Variants in PCDHA2 observed in about 807,000 individuals in gnomAD.
PCDHA2 encodes the protein protocadherin alpha 2.
In PCDHA2, 58 loss-of-function variants were observed where a neutral mutation model predicts 66.0. The ratio of observed to expected loss-of-function variants is 0.88; its 90% confidence interval spans 0.71 to 1.09. The LOEUF (loss-of-function observed/expected upper bound fraction) is 1.09, where lower values mean the gene tolerates loss of function less well. Ranked by LOEUF, PCDHA2 falls within the 50% of genes least tolerant of loss-of-function variation. The probability of loss-of-function intolerance (pLI) is 0.00; values close to 1 mark genes in which losing one functional copy is unlikely to be tolerated. For synonymous variants in PCDHA2, 634 were observed against 554.0 expected, an observed-to-expected ratio of 1.14 and a Z score of -2.03; for missense variants, 1,267 against 1,242.3, an observed-to-expected ratio of 1.02 and a Z score of -0.30.
At chr5:140,950,580 C>T (rs2094499075) in intron 1 of PCDHA2, among the ~76,000 whole-genome samples, 1 of 151,958 alleles carries the variant, frequency 6.6e-6, no homozygotes, top group South Asian at 2.1e-4. Context: ...TTTCTACTTA[C>T]CTTTGGTTTA....
At chr5:140,978,799 A>C (rs2096824173) in intron 1 of PCDHA2, 150 bp from the exon 2 acceptor site, 2 of 1,479,066 alleles carry the variant, frequency 1.4e-6, no homozygotes, top group East Asian at 4.9e-5. Flanking sequence ...ATATATGTAG[A>C]TATCATCATA....
intron 1 of PCDHA2, chr5:140,883,099 A>C: frequency 6.2e-7 from 1 of 1,614,150 alleles, no homozygotes. Flanking sequence ...ATGGAGATAT[A>C]GTTTACTCAT....
chr5:140,856,960 T>C, intron 1 of PCDHA2: 2 of 1,593,258 alleles, frequency 1.3e-6, no homozygotes, highest in Non-Finnish European at 8.6e-7. Flanking sequence ...TAAAAGTAAA[T>C]GATGCTATTG....
At chr5:140,966,973 G>T in intron 1 of PCDHA2, 1 of 1,603,054 alleles carries the variant, frequency 6.2e-7, no homozygotes. Flanking sequence ...GGCTTGAGCT[G>T]CGGCGCTTGG....
chr5:141,005,626 C>T (rs554956978), intron 3 of PCDHA2, among the ~76,000 whole-genome samples: 5 of 136,646 alleles, frequency 3.7e-5, no homozygotes, highest in South Asian at 4.9e-4. Context: ...GGCGTGAACC[C>T]GGGAGGCGGA....
At chr5:140,977,591 A>T (rs1267599253) in intron 1 of PCDHA2, among the ~76,000 whole-genome samples, 2 of 152,164 alleles carry the variant, frequency 1.3e-5, no homozygotes, top group African/African-American at 4.8e-5. Context: ...AGCAGTTAGC[A>T]TGTGAGGACC....
chr5:140,896,485 C>G (rs1259028670), intron 1 of PCDHA2, among the ~76,000 whole-genome samples: 1 of 152,032 alleles, frequency 6.6e-6, no homozygotes, highest in Non-Finnish European at 1.5e-5. Context: ...GCCTCAGCCT[C>G]CTGAGTAGCT....
chr5:140,869,247 C>A (rs1186478553), intron 1 of PCDHA2: 2 of 1,613,526 alleles, frequency 1.2e-6, no homozygotes, highest in Admixed American at 3.3e-5. Context: ...TGGGCCGCAT[C>A]GCGCAGGACC....
At chr5:140,829,450 G>T (rs2150168198) in intron 1 of PCDHA2, 1 of 1,613,936 alleles carries the variant, frequency 6.2e-7, no homozygotes, top group Non-Finnish European at 8.5e-7. Context: ...ACAATGCTCC[G>T]GCGTTCGCGC....
rs139167552 is a variant in PCDHA2, at chr5:140,939,382, C to T, written c.2389-39567C>T. On this transcript the variant is annotated intron_variant, in intron 1 of 3. Coordinates refer to ENST00000526136, the MANE Select transcript of PCDHA2 (RefSeq NM_018905.3). ...CAAAGGAGGAGGGAACACAAACATT[C>T]AGATCATAGCAAGTTTGTGTAAATC... 3.9e-5 allele frequency among the ~76,000 whole-genome samples: 6 copies of T among 152,258 alleles called. No homozygotes were observed. The East Asian group carries it at 1.2e-3, about 29-fold the overall frequency.
At chr5:140,945,393 T>G (rs2153669728) in intron 1 of PCDHA2, among the ~76,000 whole-genome samples, 1 of 152,208 alleles carries the variant, frequency 6.6e-6, no homozygotes, top group East Asian at 1.9e-4. Flanking sequence ...AATATACAAA[T>G]TCAATACAAT....
At position 141,010,088 on chromosome 5, in the gene PCDHA2, C is replaced by T. The variant is rs1165296922; in HGVS notation, c.*151C>T. ...GAAAGTTCCCTGTGTCTGTCTAGAA[C>T]GCATTTAACAGGTTTTGTCGTAAAA... On this transcript the variant is annotated 3_prime_UTR_variant, in exon 4 of 4. Transcript: ENST00000526136. 2.0e-5 allele frequency: 33 copies of T among 1,612,012 alleles called. No homozygotes were observed. Among genetic ancestry groups the T allele is most frequent in the South Asian group, 4.4e-5 (4 of 90,728 alleles).
At chr5:140,805,613 G>GT (rs1441449794) in intron 1 of PCDHA2, 2 of 911,990 alleles carry the variant, frequency 2.2e-6, no homozygotes, top group Non-Finnish European at 2.6e-6. Context: ...ATTTCTTTAT[G>GT]TAAGAAAATG....
intron 1 of PCDHA2, among the ~76,000 whole-genome samples, chr5:140,826,508 T>C (rs150327644): frequency 1.1e-4 from 17 of 152,306 alleles, no homozygotes; most frequent in African/African-American, 4.1e-4. Context: ...AAGGTGAAGA[T>C]GATCATGTCA....
At chr5:140,969,244 G>A (rs1345944804) in intron 1 of PCDHA2, 2 of 1,614,088 alleles carry the variant, frequency 1.2e-6, no homozygotes, top group Non-Finnish European at 1.7e-6. Flanking sequence ...AAGCAGCAGT[G>A]ACTGACAGCA....
intron 1 of PCDHA2, among the ~76,000 whole-genome samples, chr5:140,923,122 C>T (rs1405376878): frequency 6.6e-6 from 1 of 152,130 alleles, no homozygotes; most frequent in Non-Finnish European, 1.5e-5. Context: ...TTTTTAGGGT[C>T]ACACTTTGAA....
intron 1 of PCDHA2, chr5:140,829,740 C>G: frequency 6.2e-7 from 1 of 1,613,670 alleles, no homozygotes; most frequent in Non-Finnish European, 8.5e-7. Context: ...AGCAACGTGA[C>G]GCTGCAGGTG....
chr5:140,794,903 A>G lies in PCDHA2; in HGVS notation c.-62A>G. ...AAGCAGCAGGACTTTAACAGAGACT[A>G]GAATATTTAAATTTTTGCAAAACAT... is the stretch of plus-strand genomic sequence containing the variant. On this transcript the variant is annotated 5_prime_UTR_variant, in exon 1 of 4. Transcript: ENST00000526136. 2 of 1,494,842 alleles carry G rather than the reference A, an allele frequency of 1.3e-6. No individual in the cohort carries two copies. Among genetic ancestry groups the G allele is most frequent in the Non-Finnish European group, 9.0e-7 (1 of 1,105,864 alleles). The allele number at this position is 1,494,842 out of a possible 1,614,324, so 92.6% of individuals were successfully genotyped here.
intron 1 of PCDHA2, chr5:140,835,703 C>T (rs2150242433): frequency 2.5e-6 from 4 of 1,613,784 alleles, no homozygotes; most frequent in African/African-American, 2.7e-5. Flanking sequence ...CCACTGCTAG[C>T]GTGTCCGTGG....
Sources: gnomAD v4.1 joint callset for allele counts (sites outside exome capture counted in the v4.1 genomes callset) on GRCh38, gnomAD v4.1.1 for gene constraint, MANE v1.5 for transcripts, NCBI Gene and HGNC (gene_info 2026-07-23, HGNC 2026-07-21) for gene names.